The following OTUD7A variants were observed in gnomAD, a reference collection of about 807,000 sequenced individuals.
The protein encoded by OTUD7A is OTU deubiquitinase 7A, also known as OTU domain-containing protein 7A.
A neutral mutation model predicts 65.7 loss-of-function variants in OTUD7A; 12 were observed. The ratio of observed to expected loss-of-function variants is 0.18; its 90% CI spans 0.12 to 0.30. The LOEUF (loss-of-function observed/expected upper bound fraction) is 0.30. Ranked by LOEUF, OTUD7A falls within the 10% of genes least tolerant of loss-of-function variation. The pLI is 1.00. For synonymous variants in OTUD7A, 641 were observed against 586.3 expected, an observed-to-expected ratio of 1.09 and a Z score of -1.35; for missense variants, 1,148 against 1,304.8, an observed-to-expected ratio of 0.88 and a Z score of 1.85.
At chr15:31,520,293 T>C (rs1595578645) in intron 8 of OTUD7A, among the ~76,000 whole-genome samples, 1 of 152,202 alleles carries the variant, frequency 6.6e-6, no homozygotes, top group African/African-American at 2.4e-5. Context: ...AACAGACACA[T>C]AGATCAATGG....
intron 5 of OTUD7A, among the ~76,000 whole-genome samples, chr15:31,532,709 C>T (rs1309387505): frequency 4.6e-5 from 7 of 151,966 alleles, no homozygotes; most frequent in East Asian, 1.9e-4. Flanking sequence ...GGGCGGATCA[C>T]GAGGTCAGGA....
At position 31,736,821 on chromosome 15, in the gene OTUD7A, C is replaced by CT. The variant is rs201393345; in HGVS notation, c.-99-79745dup. 3.2e-4 allele frequency among the ~76,000 whole-genome samples: 48 copies of CT among 148,130 alleles called. 1 individual carries two copies. In the South Asian group the frequency reaches 9.0e-3, roughly 28 times the overall value. ...TTGTATGACTTTGGCTTAAGACCTT[C>CT]TTTTTTTTGGGGGGGCGGGGGGACG... On this transcript the variant is annotated intron_variant, in intron 1 of 12. Coordinates refer to ENST00000307050, the MANE Select transcript of OTUD7A (RefSeq NM_001382637.1).
intron 10 of OTUD7A, among the ~76,000 whole-genome samples, chr15:31,500,376 G>T (rs2041450722): frequency 6.6e-6 from 1 of 152,262 alleles, no homozygotes; most frequent in Admixed American, 6.5e-5. Flanking sequence ...GCCGGCTGTA[G>T]CCTCCAGTCG....
rs59869625 is a variant in OTUD7A at position 31,860,622 on chromosome 15, G to GATAAATATATATATATATAT, written c.-100+9884_-100+9885insATATATATATATATATTTAT. ...TATTCTCCTCGACCCCAGAAGTGGA[G>GATAAATATATATATATATAT]ATATATATATATATATATATATGTA... is the stretch of plus-strand genomic sequence containing the variant. On this transcript the variant is annotated intron_variant, in intron 1 of 12. Transcript: ENST00000307050. 1.8e-3 allele frequency among the ~76,000 whole-genome samples: 47 copies of GATAAATATATATATATATAT among 26,856 alleles called. 3 individuals are homozygous for GATAAATATATATATATATAT. The highest frequency in any genetic ancestry group is 3.6e-3 in the African/African-American group (43 of 12,030). The allele number at this position is 26,856 out of a possible 152,430, so 17.6% of individuals were successfully genotyped here.
In OTUD7A at chr15:31,475,733, AT is replaced by A. The variant is rs1376741963; in HGVS notation, c.*7560del. On this transcript the variant is annotated 3_prime_UTR_variant, in exon 13 of 13. Transcript: ENST00000307050. ...AAAAGGATATTTGCATTGAATTGGA[AT>A]TAACACCTGCAGGTAGAAAGGGGTT... 1.3e-5 allele frequency: 2 copies of A among 152,246 alleles called. No homozygotes were observed. The highest frequency in any genetic ancestry group is 4.8e-5 in the African/African-American group (2 of 41,454). 9.4% of individuals were successfully genotyped at this position (152,246 alleles called of 1,614,324 possible).
intron 3 of OTUD7A, among the ~76,000 whole-genome samples, chr15:31,607,621 C>T (rs925324539): frequency 2.0e-5 from 3 of 152,092 alleles, no homozygotes; most frequent in Non-Finnish European, 4.4e-5. Context: ...TTCCTATTGC[C>T]TAGTGATGTT....
intron 1 of OTUD7A, among the ~76,000 whole-genome samples, chr15:31,842,096 T>C (rs993188652): frequency 1.3e-5 from 2 of 152,184 alleles, no homozygotes; most frequent in Non-Finnish European, 2.9e-5. Flanking sequence ...AGGCCCTGTA[T>C]GAATCTCACA....
chr15:31,826,870 A>C (rs1425062296), intron 1 of OTUD7A, among the ~76,000 whole-genome samples: 1 of 152,170 alleles, frequency 6.6e-6, no homozygotes, highest in Non-Finnish European at 1.5e-5. Context: ...CTACGCTAAA[A>C]CATAACAAGT....
chr15:31,519,281 T>C (rs2041907011), intron 8 of OTUD7A, among the ~76,000 whole-genome samples: 1 of 152,264 alleles, frequency 6.6e-6, no homozygotes, highest in East Asian at 1.9e-4. Flanking sequence ...TTTTTGTTCT[T>C]AATTCTGTTT....
chr15:31,552,739 C>T (rs376877050), intron 5 of OTUD7A, among the ~76,000 whole-genome samples: 29 of 152,258 alleles, frequency 1.9e-4, no homozygotes, highest in African/African-American at 6.8e-4. Context: ...AACGCTGCAC[C>T]TGGCCCACAA....
At chr15:31,812,424 T>A (rs1368694696) in intron 1 of OTUD7A, among the ~76,000 whole-genome samples, 1 of 152,208 alleles carries the variant, frequency 6.6e-6, no homozygotes, top group Non-Finnish European at 1.5e-5. Context: ...CTGCCTCATT[T>A]ACAGTTGTCC....
chr15:31,478,972 C>G lies in OTUD7A; in HGVS notation c.*4322G>C, dbSNP rs2041069204. The stretch of plus-strand genomic sequence containing the variant: ...CCCAGAGCTGTGGAGAGGACACGGG[C>G]AACAGGGTGGACTTGAATTAAACAA... On this transcript the variant is annotated 3_prime_UTR_variant, in exon 13 of 13. Coordinates refer to ENST00000307050, the MANE Select transcript of OTUD7A (RefSeq NM_001382637.1). 6.6e-6 allele frequency: 1 copy of G among 152,390 alleles called. No individual in the cohort carries two copies. Among genetic ancestry groups the G allele is most frequent in the Non-Finnish European group, 1.5e-5 (1 of 68,198 alleles). 9.4% of individuals were successfully genotyped at this position (152,390 alleles called of 1,614,324 possible).
At chr15:31,796,476 C>T (rs1453422122) in intron 1 of OTUD7A, among the ~76,000 whole-genome samples, 4 of 152,236 alleles carry the variant, frequency 2.6e-5, no homozygotes, top group Admixed American at 6.5e-5. Context: ...TTAAGAAGGG[C>T]AATCAGTTTT....
At chr15:31,647,390 T>C (rs1891708032) in intron 3 of OTUD7A, among the ~76,000 whole-genome samples, 1 of 152,234 alleles carries the variant, frequency 6.6e-6, no homozygotes, top group South Asian at 2.1e-4. Context: ...ATGTGATGAA[T>C]TATAAAATAA....
chr15:31,806,696 T>C lies in OTUD7A; in HGVS notation c.-100+63811A>G, dbSNP rs953332589. Among the ~76,000 whole-genome samples, 5 of 152,256 alleles carry C rather than the reference T, an allele frequency of 3.3e-5. No homozygotes were observed. The South Asian group carries it at 6.2e-4, about 19-fold the overall frequency. On this transcript the variant is annotated intron_variant, in intron 1 of 12. Coordinates refer to ENST00000307050, the MANE Select transcript of OTUD7A (RefSeq NM_001382637.1). ...AAGTCTCTTGTCCCAGGATTATGTA[T>C]AGAAAACAGTTCCCTCTAGCTAAAA...
At chr15:31,853,428 C>A (rs1897481110) in intron 1 of OTUD7A, among the ~76,000 whole-genome samples, 1 of 152,224 alleles carries the variant, frequency 6.6e-6, no homozygotes, top group Non-Finnish European at 1.5e-5. Context: ...GAGACAGACA[C>A]AACCACAAGC....
At chr15:31,847,727 T>C (rs1897323121) in intron 1 of OTUD7A, among the ~76,000 whole-genome samples, 1 of 152,196 alleles carries the variant, frequency 6.6e-6, no homozygotes. Flanking sequence ...TACCTGAGAC[T>C]GGGTAACTTA....
intron 3 of OTUD7A, among the ~76,000 whole-genome samples, chr15:31,651,006 CATAA>C (rs1470054702): frequency 6.9e-6 from 1 of 145,022 alleles, no homozygotes; most frequent in East Asian, 2.1e-4. Flanking sequence ...TCAGTCAGTT[CATAA>C]ATAAATTAAT....
Position 31,753,249 on chromosome 15 carries a change from C to CA in OTUD7A, c.-99-96173dup, listed in dbSNP as rs546970600. Among the ~76,000 whole-genome samples, 48 of 151,304 alleles carry CA rather than the reference C, an allele frequency of 3.2e-4. No homozygotes were observed. The South Asian group carries it at 9.4e-3, about 30-fold the overall frequency. On this transcript the variant is annotated intron_variant, in intron 1 of 12. Coordinates refer to ENST00000307050, the MANE Select transcript of OTUD7A (RefSeq NM_001382637.1). ...GACTTTTTTTTTTTAAGCAAACTCC[C>CA]AAAAAAAGAAATCTCCAGATCCAGG...
Sources: allele counts gnomAD v4.1 joint callset (sites outside exome capture counted in the v4.1 genomes callset), GRCh38; gene constraint gnomAD v4.1.1; transcripts MANE v1.5; gene names NCBI Gene and HGNC (gene_info 2026-07-23, HGNC 2026-07-21).